The following CAMTA2 variants were observed in gnomAD, a reference collection of about 807,000 sequenced individuals.
CAMTA2 encodes the protein calmodulin binding transcription activator 2.
Under a neutral mutation model 135.7 loss-of-function variants are expected in CAMTA2, and 56 were observed. The observed-to-expected ratio is 0.41, with a 90% CI of 0.33 to 0.52. CAMTA2 has a LOEUF of 0.52. CAMTA2 is among the 20% of genes least tolerant of loss of function. The pLI, the probability that CAMTA2 is intolerant of heterozygous loss-of-function variation, is 0.16. For synonymous variants in CAMTA2, 591 were observed against 604.6 expected, an observed-to-expected ratio of 0.98 and a Z score of 0.33; for missense variants, 1,358 against 1,553.4, an observed-to-expected ratio of 0.87 and a Z score of 2.11.
intron 1 of CAMTA2, 169 bp downstream of exon 1, chr17:4,987,424 T>TGCGGTGAGCGGCGCCCC: frequency 7.2e-7 from 1 of 1,383,528 alleles, no homozygotes; most frequent in Middle Eastern, 2.7e-4. Context: ...CGTGGGGCCC[T>TGCGGTGAGCGGCGCCCC]GCGGTGAGCG....
rs144756230 is a variant in CAMTA2, at chr17:4,968,782, G to A, written c.3583C>T (p.Leu1195Phe). 3.7e-6 allele frequency: 6 copies of A among 1,614,040 alleles called. No individual in the cohort carries two copies. In the African/African-American group the frequency reaches 8.0e-5, roughly 22 times the overall value. The change falls in exon 23 of 23, where the codon CTT (leucine) becomes TTT (phenylalanine). Residue 1195 changes from leucine to phenylalanine, a missense_variant. Physicochemically the swap from Leu to Phe is conservative, Grantham distance 22. Coordinates refer to ENST00000348066, the MANE Select transcript of CAMTA2 (RefSeq NM_015099.4). ...ELKQNQELEG[L>F]PQPGLAT ...CATGTGGCCAGTCCCGGCTGGGGAA[G>A]CCCTTCCAGCTCCTGGTTCTGCTTC...
Position 4,969,035 on chromosome 17 carries a change from C to T in CAMTA2, c.3471-54G>A, listed in dbSNP as rs1972094250. ...ACAGAAGGCATCGCATGCCTTCGGC[C>T]CCCCCAGGAACCCTAGGCAGGGAAT... On this transcript the variant is annotated intron_variant, in intron 21 of 22. Coordinates refer to ENST00000348066, the MANE Select transcript of CAMTA2 (RefSeq NM_015099.4). This position sits in a 1 kb window ranked among gnomAD's most constrained non-coding sequence, Gnocchi z 5.6. The T allele has an allele frequency of 2.5e-6, 4 of 1,591,932 alleles. No individual in the cohort carries two copies. Among genetic ancestry groups the T allele is most frequent in the Non-Finnish European group, 3.4e-6 (4 of 1,162,932 alleles).
chr17:4,970,558 G>T, intron 16 of CAMTA2, 22 bp from the exon 17 acceptor site: 1 of 1,601,226 alleles, frequency 6.2e-7, no homozygotes. Context: ...GAGAAGCTGA[G>T]TGAGTCCTTA....
chr17:4,981,629 CCT>C (rs1380808819), intron 7 of CAMTA2, 47 bp downstream of exon 7: 2 of 1,531,838 alleles, frequency 1.3e-6, no homozygotes, highest in African/African-American at 1.4e-5. Flanking sequence ...CTCTGGGAGC[CCT>C]GTTTCTACTC....
At chr17:4,986,748 T>C (rs544940991) in intron 1 of CAMTA2, 2 of 555,208 alleles carry the variant, frequency 3.6e-6, no homozygotes, top group East Asian at 6.7e-5. Context: ...GTTCCTTCTC[T>C]GTTTGATTTT....
At position 4,987,649 on chromosome 17, in the gene CAMTA2, C is replaced by CA; in HGVS notation, c.-122_-121insT. ...GGCCATTCTACCCCACACCGACCCC[C>CA]CCCAGCGCCGGCTGACAGCGGCGTC... is the stretch of plus-strand genomic sequence containing the variant. On this transcript the variant is annotated 5_prime_UTR_variant, in exon 1 of 23. Transcript: ENST00000348066. 2.6e-6 allele frequency: 4 copies of CA among 1,522,310 alleles called. No individual in the cohort carries two copies. The highest frequency in any genetic ancestry group is 3.5e-6 in the Non-Finnish European group (4 of 1,140,032). The allele number at this position is 1,522,310 out of a possible 1,614,324, so 94.3% of individuals were successfully genotyped here.
In CAMTA2 at chr17:4,987,238, G is replaced by GC; in HGVS notation, c.-65+354dup. 3 of 1,339,122 alleles carry GC rather than the reference G, an allele frequency of 2.2e-6. No individual in the cohort carries two copies. The South Asian group carries it at 6.0e-5, about 27-fold the overall frequency. 83.0% of individuals were successfully genotyped at this position (1,339,122 alleles called of 1,614,324 possible). A position where few individuals can be genotyped will look rare whatever the true frequency, so the allele number is the denominator to read the frequency against. ...GATCGGACGCTTGGCACTCTGGGCG[G>GC]CCCCCCGGCGGAGTGGTGGTCCCAG... On this transcript the variant is annotated intron_variant, in intron 1 of 22. Coordinates refer to ENST00000348066, the MANE Select transcript of CAMTA2 (RefSeq NM_015099.4).
At chr17:4,986,878 C>T (rs1180697555) in intron 1 of CAMTA2, 21 of 1,234,284 alleles carry the variant, frequency 1.7e-5, no homozygotes, top group Non-Finnish European at 2.3e-5. Flanking sequence ...AACCCACCCT[C>T]CGGCTGACAG....
chr17:4,981,492 G>A, intron 7 of CAMTA2, 133 bp from the exon 8 acceptor site: 1 of 1,331,430 alleles, frequency 7.5e-7, no homozygotes, highest in African/African-American at 1.5e-5. Context: ...CCTCAAGACT[G>A]CTCAGATATG....
At position 4,968,123 on chromosome 17, in the gene CAMTA2, C is replaced by T. The variant is rs926822212; in HGVS notation, c.*633G>A. On this transcript the variant is annotated 3_prime_UTR_variant, in exon 23 of 23. Transcript: ENST00000348066. ...ACAAGCCCGGCCGTGCAGCCCTCCC[C>T]GCGGCGCCTTAAATAGATTCTTCAC... 4.5e-6 allele frequency: 2 copies of T among 444,086 alleles called. No individual in the cohort carries two copies. The highest frequency in any genetic ancestry group is 2.0e-5 in the African/African-American group (1 of 50,396). 27.5% of individuals were successfully genotyped at this position (444,086 alleles called of 1,614,324 possible). A position where few individuals can be genotyped will look rare whatever the true frequency, so the allele number is the denominator to read the frequency against.
intron 10 of CAMTA2, among the ~76,000 whole-genome samples, chr17:4,978,254 C>G (rs1022100556): frequency 6.6e-6 from 1 of 152,230 alleles, no homozygotes; most frequent in Non-Finnish European, 1.5e-5. Flanking sequence ...CAGGAAGGAT[C>G]AGACTCATCT....
chr17:4,968,004 G>T lies in CAMTA2; in HGVS notation c.*752C>A. On this transcript the variant is annotated 3_prime_UTR_variant, in exon 23 of 23. Coordinates refer to ENST00000348066, the MANE Select transcript of CAMTA2 (RefSeq NM_015099.4). ...CAGAGGCCGGAGGCTGGCTGGTGCA[G>T]CGATGTTTAATGGCAATTCGTATAA... 1.7e-6 allele frequency: 1 copy of T among 586,406 alleles called. No individual in the cohort carries two copies. The highest frequency in any genetic ancestry group is 3.0e-6 in the Non-Finnish European group (1 of 328,492). 36.3% of individuals were successfully genotyped at this position (586,406 alleles called of 1,614,324 possible).
chr17:4,979,212 T>TA (rs1567693425), intron 9 of CAMTA2, among the ~76,000 whole-genome samples: 1 of 151,822 alleles, frequency 6.6e-6, no homozygotes. Context: ...TCACTCTACA[T>TA]AAAAAAAGAG....
At chr17:4,974,138 C>A in intron 12 of CAMTA2, 1 of 552,894 alleles carries the variant, frequency 1.8e-6, no homozygotes, top group Non-Finnish European at 3.2e-6. Flanking sequence ...CTCCCCCGCC[C>A]TCTCCTTCAC....
intron 3 of CAMTA2, 33 bp downstream of exon 3, chr17:4,985,847 G>T: frequency 7.0e-7 from 1 of 1,429,954 alleles, no homozygotes; most frequent in Non-Finnish European, 9.9e-7. Flanking sequence ...ACTAGGTCTT[G>T]CTGGGCCCCA....
At chr17:4,985,852 G>A (rs771265093) in intron 3 of CAMTA2, 28 bp downstream of exon 3, 8 of 1,500,686 alleles carry the variant, frequency 5.3e-6, no homozygotes, top group African/African-American at 4.1e-5. Context: ...GTCTTGCTGG[G>A]CCCCAACCCC....
intron 22 of CAMTA2, 36 bp from the exon 23 acceptor site, chr17:4,968,855 CG>C (rs751364062): frequency 1.2e-5 from 19 of 1,611,818 alleles, no homozygotes; most frequent in Middle Eastern, 1.6e-4. Flanking sequence ...AGGAGACTGG[CG>C]GATCACGACG....
chr17:4,969,463 C>A lies in CAMTA2; in HGVS notation c.3282+37G>T, dbSNP rs572525659. On this transcript the variant is annotated intron_variant, in intron 20 of 22. Coordinates refer to ENST00000348066, the MANE Select transcript of CAMTA2 (RefSeq NM_015099.4). The surrounding 1 kb of genome is among the most constrained non-coding windows in gnomAD (Gnocchi z 5.6). ...CCACACACTCAAGGAAAGACTGAAT[C>A]ATCACAGACCTCACACTCAGAGCTC... 1.2e-6 allele frequency: 2 copies of A among 1,613,272 alleles called. No homozygotes were observed. Among genetic ancestry groups the A allele is most frequent in the Middle Eastern group, 1.6e-4 (1 of 6,062 alleles).
Position 4,972,313 on chromosome 17 carries a change from G to A in CAMTA2, c.2727C>T (p.Ser909=). The change falls in exon 16 of 23, where the codon TCC becomes TCT. Residue 909 remains serine, a synonymous_variant. Coordinates refer to ENST00000348066, the MANE Select transcript of CAMTA2 (RefSeq NM_015099.4). ...EATNSKGPLS[S]LPALPPASDD... Reference sequence around the variant, plus strand: ...CTGAAGCTGGTGGGAGGGCAGGAAGGGAGGAGAGGGGCCCCTTGGAGTTGG... The same window carrying A: ...CTGAAGCTGGTGGGAGGGCAGGAAGAGAGGAGAGGGGCCCCTTGGAGTTGG... 3.7e-6 allele frequency: 6 copies of A among 1,613,922 alleles called. No homozygotes were observed. The highest frequency in any genetic ancestry group is 5.1e-6 in the Non-Finnish European group (6 of 1,179,890).
Sources: allele counts gnomAD v4.1 joint callset (sites outside exome capture counted in the v4.1 genomes callset), GRCh38; gene constraint gnomAD v4.1.1; non-coding constraint Gnocchi (gnomAD v3.1); transcripts MANE v1.5; gene names NCBI Gene and HGNC (gene_info 2026-07-23, HGNC 2026-07-21).